The following CCDC192 variants were observed in gnomAD, a reference collection of about 807,000 sequenced individuals.
CCDC192 encodes coiled-coil domain-containing protein 192.
intron 3 of CCDC192, among the ~76,000 whole-genome samples, chr5:127,795,440 G>C (rs755675379): frequency 3.9e-4 from 59 of 152,062 alleles, no homozygotes; most frequent in Non-Finnish European, 6.6e-4. Context: ...TGTCTCTGTT[G>C]TTTAAACTCA....
intron 3 of CCDC192, among the ~76,000 whole-genome samples, chr5:127,772,296 A>C (rs1165150045): frequency 6.6e-6 from 1 of 151,950 alleles, no homozygotes; most frequent in Non-Finnish European, 1.5e-5. Context: ...TCCCATCTCT[A>C]CTAAAAATAC....
intron 5 of CCDC192, among the ~76,000 whole-genome samples, chr5:127,812,111 C>A (rs790479): frequency 0.67 from 102,069 of 151,990 alleles, 34,715 homozygotes; most frequent in Middle Eastern, 0.79. Flanking sequence ...TCTAGCTCAC[C>A]GATTTGTCAT....
At chr5:127,844,894 G>A (rs778254451) in intron 5 of CCDC192, among the ~76,000 whole-genome samples, 1 of 152,190 alleles carries the variant, frequency 6.6e-6, no homozygotes. Context: ...AAGCCTCACA[G>A]GGCCTTGTGC....
chr5:127,752,620 T>C (rs907658670), intron 2 of CCDC192, among the ~76,000 whole-genome samples: 12 of 152,238 alleles, frequency 7.9e-5, no homozygotes, highest in Non-Finnish European at 1.5e-4. Flanking sequence ...GCAGGCCTCC[T>C]TGAGCTGTGG....
At chr5:127,723,630 G>A (rs1357523977) in intron 2 of CCDC192, among the ~76,000 whole-genome samples, 1 of 152,190 alleles carries the variant, frequency 6.6e-6, no homozygotes, top group Non-Finnish European at 1.5e-5. Context: ...GATATCATTC[G>A]AAGGGGTTAG....
chr5:127,937,337 G>A (rs970554878), intron 6 of CCDC192, among the ~76,000 whole-genome samples: 3 of 152,008 alleles, frequency 2.0e-5, no homozygotes, highest in Non-Finnish European at 2.9e-5. Context: ...AAATTCCTGT[G>A]TTGAAGCCCT....
At chr5:127,790,024 CAG>C (rs1184648820) in intron 3 of CCDC192, among the ~76,000 whole-genome samples, 17 of 152,214 alleles carry the variant, frequency 1.1e-4, no homozygotes, top group Admixed American at 9.8e-4. Flanking sequence ...AACCCCCATG[CAG>C]TAGGGCTGGG....
At chr5:127,790,075 G>A (rs1319755701) in intron 3 of CCDC192, among the ~76,000 whole-genome samples, 1 of 152,228 alleles carries the variant, frequency 6.6e-6, no homozygotes, top group East Asian at 1.9e-4. Context: ...CAGCATGGAT[G>A]GATCTCTGCC....
intron 2 of CCDC192, among the ~76,000 whole-genome samples, chr5:127,746,068 T>A (rs927303549): frequency 1.3e-5 from 2 of 152,354 alleles, no homozygotes; most frequent in South Asian, 4.1e-4. Flanking sequence ...AAAAAGTGCT[T>A]GCTTTTGTAT....
chr5:127,892,937 C>T (rs990033778), intron 6 of CCDC192, among the ~76,000 whole-genome samples: 1 of 152,012 alleles, frequency 6.6e-6, no homozygotes, highest in African/African-American at 2.4e-5. Context: ...ATCCAAATAC[C>T]GCAAGAGACA....
chr5:127,772,173 A>G lies in CCDC192; in HGVS notation c.222+17798A>G, dbSNP rs184348995. Among the ~76,000 whole-genome samples the G allele has an allele frequency of 3.5e-4, 53 of 152,182 alleles. 2 individuals are homozygous for G. Among genetic ancestry groups the G allele is most frequent in the Admixed American group, 2.1e-3 (32 of 15,280 alleles). ...GTTAATTCAGTGGTTCAAGAATGTC[A>G]CCAACGGCCAGGTGCAGTGGCTCAC... On this transcript the variant is annotated intron_variant, in intron 3 of 6. Coordinates refer to ENST00000514853, the MANE Select transcript of CCDC192 (RefSeq NM_001317938.2).
At chr5:127,870,592 T>C (rs1751810947) in intron 5 of CCDC192, among the ~76,000 whole-genome samples, 1 of 152,178 alleles carries the variant, frequency 6.6e-6, no homozygotes, top group Non-Finnish European at 1.5e-5. Context: ...CATAGAGAGA[T>C]ACTAACACGG....
At chr5:127,884,342 CAAAAAAAAA>C (rs778430655) in intron 6 of CCDC192, among the ~76,000 whole-genome samples, 7 of 11,842 alleles carry the variant, frequency 5.9e-4, no homozygotes, top group East Asian at 3.9e-3. Context: ...GACTCCGTCT[CAAAAAAAAA>C]AAAAAAAAAA....
Position 127,924,077 on chromosome 5 carries a change from C to T in CCDC192, c.536-17105C>T, listed in dbSNP as rs551132439. Among the ~76,000 whole-genome samples, 3 of 152,300 alleles carry T rather than the reference C, an allele frequency of 2.0e-5. No individual in the cohort carries two copies. The South Asian group carries it at 6.2e-4, about 32-fold the overall frequency. On this transcript the variant is annotated intron_variant, in intron 6 of 6. Transcript: ENST00000514853. The stretch of plus-strand genomic sequence containing the variant: ...TGGATCACTCTGACCAATATATTCA[C>T]AGACAATATTGATTCTTTGAGGTTA...
At chr5:127,799,477 C>T (rs1487362789) in intron 5 of CCDC192, among the ~76,000 whole-genome samples, 2 of 152,160 alleles carry the variant, frequency 1.3e-5, no homozygotes, top group South Asian at 2.1e-4. Flanking sequence ...CCCCTGGTCT[C>T]CCCCTGAGGG....
intron 5 of CCDC192, among the ~76,000 whole-genome samples, chr5:127,799,063 C>T (rs968200944): frequency 1.3e-5 from 2 of 151,362 alleles, no homozygotes; most frequent in African/African-American, 4.9e-5. Flanking sequence ...TCTTTTTCAT[C>T]CACATCTTGG....
intron 2 of CCDC192, among the ~76,000 whole-genome samples, chr5:127,716,441 G>A (rs1375218610): frequency 3.3e-5 from 5 of 152,046 alleles, no homozygotes; most frequent in Admixed American, 3.3e-4. Context: ...TCAATTGTTT[G>A]GAATAGTTCA....
chr5:127,731,195 A>T (rs1292954474), intron 2 of CCDC192, among the ~76,000 whole-genome samples: 1 of 152,198 alleles, frequency 6.6e-6, no homozygotes, highest in African/African-American at 2.4e-5. Flanking sequence ...ATATGCAAAA[A>T]TCACGAGCAT....
At chr5:127,724,781 G>A (rs546618669) in intron 2 of CCDC192, among the ~76,000 whole-genome samples, 8 of 150,684 alleles carry the variant, frequency 5.3e-5, no homozygotes, top group South Asian at 2.1e-4. Context: ...CCTGGGAGGC[G>A]GAGGTTGCAG....
Sources: allele counts gnomAD v4.1 joint callset (sites outside exome capture counted in the v4.1 genomes callset), GRCh38; gene constraint gnomAD v4.1.1; transcripts MANE v1.5; gene names NCBI Gene and HGNC (gene_info 2026-07-23, HGNC 2026-07-21).